Variants in MACF1 observed in about 807,000 individuals in gnomAD.
MACF1 encodes the protein microtubule-actin cross-linking factor 1.
In MACF1, 193 loss-of-function variants were observed where a neutral mutation model predicts 854.8. The ratio of observed to expected loss-of-function variants is 0.23; its 90% confidence interval spans 0.20 to 0.25. MACF1 has a LOEUF of 0.25. Ranked by LOEUF, MACF1 falls within the 10% of genes least tolerant of loss-of-function variation. MACF1 has a pLI of 1.00. For synonymous variants in MACF1, 3,185 were observed against 3,226.7 expected (o/e 0.99, Z 0.44); for missense variants, 7,722 against 8,929.1 (o/e 0.86, Z 5.45).
chr1:39,470,990 G>A (rs1475902094), intron 97 of MACF1, among the ~76,000 whole-genome samples: 1 of 152,138 alleles, frequency 6.6e-6, no homozygotes, highest in Non-Finnish European at 1.5e-5. Context: ...AAGGAAATTG[G>A]GGAGGGCCAT....
chr1:39,388,439 A>G lies in MACF1; in HGVS notation c.15597A>G (p.Lys5199=). 2 of 1,614,120 alleles carry G rather than the reference A, an allele frequency of 1.2e-6. No individual in the cohort carries two copies. The highest frequency in any genetic ancestry group is 4.5e-5 in the East Asian group (2 of 44,880). ...EEGTLDLLGL[K]RELEALNKQC... ...GGACTCTGGATTTGTTAGGTCTCAA[A>G]AGGGAGCTAGAAGCCCTGAACAAAC... Residue 5199 remains lysine (K), a synonymous_variant, in exon 58 of 101, where the codon AAA becomes AAG. Transcript: ENST00000564288.
At chr1:39,282,469 A>G in intron 7 of MACF1, 95 bp downstream of exon 7, 1 of 1,297,516 alleles carries the variant, frequency 7.7e-7, no homozygotes, top group Non-Finnish European at 1.0e-6. Flanking sequence ...TCAATCAAAA[A>G]TCAAAGCTTT....
At chr1:39,202,418 C>T (rs1295179590), upstream of MACF1, among the ~76,000 whole-genome samples, 2 of 151,380 alleles carry the variant, frequency 1.3e-5, no homozygotes, top group Admixed American at 1.3e-4. Context: ...AGTTGGATCA[C>T]GAGGTCAGGA....
In MACF1 at chr1:39,097,216, A is replaced by G. The variant is rs193122677; in HGVS notation, c.220+12778A>G. Among the ~76,000 whole-genome samples the G allele has an allele frequency of 4.3e-3, 649 of 152,186 alleles. 8 individuals carry two copies. Among genetic ancestry groups the G allele is most frequent in the African/African-American group, 0.015 (625 of 41,532 alleles). ...TCTAACACCCAGATGTTCAGGCTCC[A>G]GGGGCAGTGTGTCCCTCCTAGCGTT... On this transcript the variant is annotated intron_variant, in intron 2 of 93. Transcript: ENST00000361689.
rs1255780815 is a variant in MACF1 at position 39,315,642 on chromosome 1, G to A, written c.3400G>A (p.Val1134Met). Reference sequence around the variant, plus strand: ...TCTGCGCTCAGAACTGAATCTGCTGGTGGAGAAGATGGACCATGTCTATGG... The same window carrying A: ...TCTGCGCTCAGAACTGAATCTGCTGATGGAGAAGATGGACCATGTCTATGG... ...PTLRSELNLL[V>M]EKMDHVYGLS... The change falls in exon 27 of 101, where the codon GTG (valine) becomes ATG (methionine). Residue 1134 changes from valine (V) to methionine (M), a missense_variant. Val to Met is a conservative substitution (Grantham distance 21). This residue lies in a region of MACF1 where 1,137 missense variants were observed against 1,263.0 expected (regional missense o/e 0.90). Coordinates refer to ENST00000564288, the MANE Select transcript of MACF1 (RefSeq NM_001394062.1). 1.2e-6 allele frequency: 2 copies of A among 1,614,002 alleles called. No homozygotes were observed. The highest frequency in any genetic ancestry group is 4.5e-5 in the East Asian group (2 of 44,888).
intron 84 of MACF1, among the ~76,000 whole-genome samples, chr1:39,450,751 A>G (rs1231895559): frequency 4.0e-5 from 6 of 151,212 alleles, no homozygotes; most frequent in Non-Finnish European, 8.8e-5. Context: ...AGCTGGAACT[A>G]CAGGCACCCA....
rs143759454 is a variant in MACF1, at chr1:39,333,163, T to C, written c.6575T>C (p.Ile2192Thr). The part of the protein sequence containing the change: ...YIHDETGGSH[I>T]KPQSKKLQVQ... ...CATGATGAAACTGGAGGATCTCACA[T>C]AAAACCCCAAAGCAAAAAGTTACAA... Residue 2192 changes from isoleucine to threonine, a missense_variant, in exon 37 of 101, where the codon ATA (isoleucine) becomes ACA (threonine). Coordinates refer to ENST00000564288, the MANE Select transcript of MACF1 (RefSeq NM_001394062.1). 1.9e-4 allele frequency: 304 copies of C among 1,613,636 alleles called. 1 individual carries two copies. In the East Asian group the frequency reaches 6.4e-3, roughly 34 times the overall value.
At chr1:39,226,531 G>T (rs1457480621) in intron 1 of MACF1, among the ~76,000 whole-genome samples, 1 of 152,036 alleles carries the variant, frequency 6.6e-6, no homozygotes, top group Non-Finnish European at 1.5e-5. Context: ...AGTAGAGACG[G>T]GGTTTTACTA....
At chr1:39,223,761 C>G (rs1644681615) in intron 1 of MACF1, among the ~76,000 whole-genome samples, 1 of 152,092 alleles carries the variant, frequency 6.6e-6, no homozygotes, top group Non-Finnish European at 1.5e-5. Context: ...CAGTGATCTG[C>G]CCGCTTCTGC....
chr1:39,234,712 G>A (rs1316285719), intron 2 of MACF1, among the ~76,000 whole-genome samples: 4 of 137,932 alleles, frequency 2.9e-5, no homozygotes, highest in African/African-American at 1.1e-4. Context: ...TCCCAGATGG[G>A]GCGGCTGCCG....
chr1:39,237,847 G>A (rs563760830), intron 2 of MACF1, among the ~76,000 whole-genome samples: 2 of 151,632 alleles, frequency 1.3e-5, no homozygotes, highest in South Asian at 2.1e-4. Flanking sequence ...TATTTCTTAC[G>A]TTGTGGCTCC....
At chr1:39,115,968 G>C (rs1404229244) in intron 2 of MACF1, among the ~76,000 whole-genome samples, 1 of 152,190 alleles carries the variant, frequency 6.6e-6, no homozygotes, top group Non-Finnish European at 1.5e-5. Flanking sequence ...GGAGTTGTGG[G>C]AAGTGAATGG....
chr1:39,468,383 C>G (rs1644711379), intron 95 of MACF1, among the ~76,000 whole-genome samples: 1 of 152,204 alleles, frequency 6.6e-6, no homozygotes, highest in Non-Finnish European at 1.5e-5. Flanking sequence ...GAGTGAAACT[C>G]TGTCTCACAA....
chr1:39,331,430 G>A lies in MACF1; in HGVS notation c.4842G>A (p.Glu1614=). ...CCCAGATGTACCAGCAGCTCCGGGA[G>A]CTACAGGATGCCCTGGCCTTAATAA... ...INPQMYQQLR[E]LQDALALISR... Residue 1614 remains glutamate (E), a synonymous_variant, in exon 37 of 101, where the codon GAG becomes GAA. Coordinates refer to ENST00000564288, the MANE Select transcript of MACF1 (RefSeq NM_001394062.1). The A allele has an allele frequency of 2.5e-6, 4 of 1,614,114 alleles. No homozygotes were observed. The highest frequency in any genetic ancestry group is 2.5e-6 in the Non-Finnish European group (3 of 1,180,022).
chr1:39,164,788 C>CTTAATTTGA (rs1235032357), intron 2 of MACF1, among the ~76,000 whole-genome samples: 1 of 152,142 alleles, frequency 6.6e-6, no homozygotes, highest in Non-Finnish European at 1.5e-5. Context: ...ATTGGGCCAG[C>CTTAATTTGA]TTAATTTGAT....
intron 84 of MACF1, among the ~76,000 whole-genome samples, chr1:39,449,332 T>C (rs372977456): frequency 6.6e-5 from 10 of 152,344 alleles, no homozygotes; most frequent in African/African-American, 2.2e-4. Context: ...CTAAAAGTTG[T>C]ACTTTTATCT....
At chr1:39,380,035 A>G (rs1650040062) in intron 54 of MACF1, among the ~76,000 whole-genome samples, 1 of 152,224 alleles carries the variant, frequency 6.6e-6, no homozygotes, top group South Asian at 2.1e-4. Context: ...ATTATACATA[A>G]AAGAAACTCA....
At chr1:39,142,987 T>C (rs1239183847) in intron 2 of MACF1, among the ~76,000 whole-genome samples, 3 of 152,172 alleles carry the variant, frequency 2.0e-5, no homozygotes, top group Non-Finnish European at 4.4e-5. Flanking sequence ...ATTAAGTGTT[T>C]GTGAGCAAAG....
At chr1:39,131,822 TA>T (rs1643013466) in intron 2 of MACF1, among the ~76,000 whole-genome samples, 1 of 152,262 alleles carries the variant, frequency 6.6e-6, no homozygotes, top group Non-Finnish European at 1.5e-5. Flanking sequence ...TTTATTTGTT[TA>T]TTTTTTAGAG....
Sources: allele counts gnomAD v4.1 joint callset (sites outside exome capture counted in the v4.1 genomes callset), GRCh38; gene constraint gnomAD v4.1.1; regional missense constraint gnomAD v4.1.1; transcripts MANE v1.5; gene names NCBI Gene and HGNC (gene_info 2026-07-23, HGNC 2026-07-21).